The following USP22 variants were observed in gnomAD, a reference collection of about 807,000 sequenced individuals.
USP22 encodes the protein ubiquitin carboxyl-terminal hydrolase 22.
Under a neutral mutation model 68.1 loss-of-function variants are expected in USP22, and 22 were observed. The observed-to-expected ratio is 0.32, with a 90% CI of 0.23 to 0.46. The LOEUF (loss-of-function observed/expected upper bound fraction) is 0.46. Ranked by LOEUF, USP22 falls within the 20% of genes least tolerant of loss-of-function variation. The probability of loss-of-function intolerance (pLI) is 1.00; values close to 1 mark genes in which losing one functional copy is unlikely to be tolerated. For synonymous variants in USP22, 279 were observed against 274.2 expected, an observed-to-expected ratio of 1.02 and a Z score of -0.17; for missense variants, 433 against 695.8, an observed-to-expected ratio of 0.62 and a Z score of 4.25.
Position 21,002,956 on chromosome 17 carries a change from G to T in USP22, c.*75C>A, listed in dbSNP as rs556823378. The T allele has an allele frequency of 8.3e-6, 13 of 1,572,456 alleles. No homozygotes were observed. The Admixed American group carries it at 1.9e-4, about 22-fold the overall frequency. On this transcript the variant is annotated 3_prime_UTR_variant, in exon 13 of 13. Coordinates refer to ENST00000261497, the MANE Select transcript of USP22 (RefSeq NM_015276.2). ...GAGGCGGCGGGAGACTTGGGGGAGGGGGGGGCCAGGGAGGATCACTTTGTG... is the reference window on the plus strand; with the variant it reads ...GAGGCGGCGGGAGACTTGGGGGAGGTGGGGGCCAGGGAGGATCACTTTGTG...
intron 1 of USP22, among the ~76,000 whole-genome samples, chr17:21,042,059 G>A (rs974444870): frequency 1.3e-5 from 2 of 152,200 alleles, no homozygotes; most frequent in African/African-American, 4.8e-5. Flanking sequence ...TCCTGCCCCA[G>A]CTCCCGTCCA....
chr17:21,041,780 G>A (rs1972436155), intron 1 of USP22, among the ~76,000 whole-genome samples: 1 of 152,238 alleles, frequency 6.6e-6, no homozygotes, highest in African/African-American at 2.4e-5. Context: ...TCACATAGAA[G>A]AATCACGTTA....
At chr17:21,010,107 TG>T (rs2143535830) in intron 8 of USP22, among the ~76,000 whole-genome samples, 2 of 151,986 alleles carry the variant, frequency 1.3e-5, no homozygotes, top group East Asian at 3.9e-4. Context: ...GAGGTTGCAG[TG>T]AGCTATGATG....
At chr17:21,022,017 T>A (rs910847075) in intron 2 of USP22, among the ~76,000 whole-genome samples, 1 of 152,036 alleles carries the variant, frequency 6.6e-6, no homozygotes, top group Non-Finnish European at 1.5e-5. Context: ...TGAGAACAGC[T>A]GAAACCTGGG....
chr17:21,035,522 A>AC (rs1194545534), intron 1 of USP22, among the ~76,000 whole-genome samples: 4 of 151,880 alleles, frequency 2.6e-5, no homozygotes, highest in Non-Finnish European at 5.9e-5. Context: ...GGACAAAAAA[A>AC]AAACAAACCA....
chr17:21,015,505 G>A (rs545759744), intron 6 of USP22: 8 of 461,208 alleles, frequency 1.7e-5, no homozygotes, highest in Non-Finnish European at 3.0e-5. Context: ...CACTGTGATC[G>A]GTCACTGAGG....
intron 7 of USP22, chr17:21,011,582 T>G: frequency 2.4e-6 from 1 of 410,980 alleles, no homozygotes; most frequent in Non-Finnish European, 4.5e-6. Flanking sequence ...TCACAGTCAC[T>G]GAGGGACTTG....
intron 1 of USP22, among the ~76,000 whole-genome samples, chr17:21,032,036 T>C (rs565756387): frequency 6.6e-6 from 1 of 152,386 alleles, no homozygotes; most frequent in East Asian, 1.9e-4. Flanking sequence ...AGGCTGCATG[T>C]ACAATGGCGG....
At chr17:21,027,262 T>TG (rs1972232602) in intron 2 of USP22, among the ~76,000 whole-genome samples, 1 of 106,782 alleles carries the variant, frequency 9.4e-6, no homozygotes, top group Non-Finnish European at 1.8e-5. Context: ...CACTCCAGCC[T>TG]GGACTCCAGA....
chr17:21,019,190 G>A lies in USP22; in HGVS notation c.419-5C>T. ...TTGAAAACTTCTCTCCAACGCCTAA[G>A]CAGATGAAGGACAGTTCCAAGCGCT... On this transcript the variant is annotated splice_polypyrimidine_tract_variant and splice_region_variant and intron_variant, in intron 3 of 12. Transcript: ENST00000261497. The A allele has an allele frequency of 6.2e-7, 1 of 1,613,748 alleles. No homozygotes were observed. The highest frequency in any genetic ancestry group is 1.1e-5 in the South Asian group (1 of 91,074).
At chr17:21,030,421 T>G (rs1414078398) in intron 1 of USP22, among the ~76,000 whole-genome samples, 1 of 152,164 alleles carries the variant, frequency 6.6e-6, no homozygotes, top group African/African-American at 2.4e-5. Context: ...CATGCACACG[T>G]GTACTTGTGT....
chr17:21,010,482 G>A (rs866960341), intron 8 of USP22, among the ~76,000 whole-genome samples: 1 of 151,878 alleles, frequency 6.6e-6, no homozygotes, highest in Non-Finnish European at 1.5e-5. Context: ...TTCGAGACTA[G>A]CCTGGCCAAC....
At chr17:21,009,040 G>A (rs1033419874) in intron 8 of USP22, among the ~76,000 whole-genome samples, 1 of 143,162 alleles carries the variant, frequency 7.0e-6, no homozygotes, top group African/African-American at 2.6e-5. Context: ...GCAGTGAGCC[G>A]AGATTGTGCC....
rs750291259 is a variant in USP22 at position 21,004,198 on chromosome 17, G to A, written c.1535+4C>T. 5.0e-6 allele frequency: 8 copies of A among 1,613,618 alleles called. No homozygotes were observed. The highest frequency in any genetic ancestry group is 2.2e-5 in the South Asian group (2 of 91,062). ...GGGCCTTCCTCCCACCCCACAGGAC[G>A]CACCCTTCGCTGTCCAGGACGTCCT... On this transcript the variant is annotated splice_donor_region_variant and intron_variant, in intron 12 of 12. Transcript: ENST00000261497.
rs116151592 is a variant in USP22 at position 21,004,911 on chromosome 17, C to T, written c.1385+17G>A. 5,704 of 1,613,904 alleles carry T rather than the reference C, an allele frequency of 3.5e-3. 141 individuals are homozygous for T. The African/African-American group carries it at 0.059, about 17-fold the overall frequency. ...GGCCAGAGGCCCTGGACACCCACAC[C>T]GCTAAGCACCACTTACTTGTTGTCA... On this transcript the variant is annotated intron_variant, in intron 11 of 12. Transcript: ENST00000261497.
At chr17:21,041,817 G>A (rs1236264978) in intron 1 of USP22, among the ~76,000 whole-genome samples, 1 of 152,228 alleles carries the variant, frequency 6.6e-6, no homozygotes, top group Non-Finnish European at 1.5e-5. Flanking sequence ...CCCTTACCAA[G>A]CCTAACTGCG....
intron 1 of USP22, among the ~76,000 whole-genome samples, chr17:21,040,923 C>CA (rs1336332391): frequency 6.7e-6 from 1 of 149,232 alleles, no homozygotes; most frequent in African/African-American, 2.5e-5. Context: ...CTTGCTCTGT[C>CA]ACCCAGTCTG....
intron 6 of USP22, 133 bp from the exon 7 acceptor site, chr17:21,013,068 T>A (rs1444921522): frequency 1.5e-6 from 1 of 664,702 alleles, no homozygotes; most frequent in African/African-American, 1.8e-5. Context: ...AGGACACTCC[T>A]CATTTTAGCA....
chr17:21,043,136 C>CT (rs1555531430), upstream of USP22: 7 of 68,682 alleles, frequency 1.0e-4, no homozygotes, highest in East Asian at 1.5e-3. Flanking sequence ...CCCCCCCCCC[C>CT]TCCCGGCCGG....
Sources: gnomAD v4.1 joint callset for allele counts (sites outside exome capture counted in the v4.1 genomes callset) on GRCh38, gnomAD v4.1.1 for gene constraint, MANE v1.5 for transcripts, NCBI Gene and HGNC (gene_info 2026-07-23, HGNC 2026-07-21) for gene names.